Variants in SUPT3H observed in about 807,000 individuals in gnomAD.
SUPT3H encodes the protein transcription initiation protein SPT3 homolog.
A neutral mutation model predicts 44.3 loss-of-function variants in SUPT3H; 44 were observed. The observed-to-expected ratio is 0.99, with a 90% CI of 0.78 to 1.28. The LOEUF is 1.28. Among genes scored for constraint, SUPT3H ranks in the 50% most tolerant of loss-of-function variants. SUPT3H has a pLI of 0.00. For missense variants in SUPT3H, 380 were observed against 387.1 expected (o/e 0.98, Z 0.15); for synonymous variants, 124 against 125.6 (o/e 0.99, Z 0.09).
chr6:45,225,753 T>C (rs1766831225), intron 2 of SUPT3H, among the ~76,000 whole-genome samples: 1 of 152,196 alleles, frequency 6.6e-6, no homozygotes, highest in African/African-American at 2.4e-5. Flanking sequence ...ATTTAGTATA[T>C]TTCTGTCTCA....
At chr6:45,179,060 C>T (rs1372209699) in intron 2 of SUPT3H, among the ~76,000 whole-genome samples, 2 of 151,992 alleles carry the variant, frequency 1.3e-5, no homozygotes, top group Non-Finnish European at 2.9e-5. Flanking sequence ...ACCACCGATC[C>T]CACAGAAATA....
intron 9 of SUPT3H, among the ~76,000 whole-genome samples, chr6:44,949,847 A>G (rs941689888): frequency 3.3e-5 from 5 of 152,214 alleles, no homozygotes; most frequent in Non-Finnish European, 7.3e-5. Flanking sequence ...GAAGTATAAA[A>G]TGGTACAACC....
rs147376459 is a variant in SUPT3H, at chr6:44,925,981, T to C, written c.912+6672A>G. ...CATTTTTAGACCCTGAGGCCCTTCCTCAATATTGTATTCTTTATATATTCA... is the reference window on the plus strand; with the variant it reads ...CATTTTTAGACCCTGAGGCCCTTCCCCAATATTGTATTCTTTATATATTCA... On this transcript the variant is annotated intron_variant, in intron 10 of 10. Transcript: ENST00000371459. Among the ~76,000 whole-genome samples the C allele has an allele frequency of 4.7e-4, 72 of 152,286 alleles. No individual in the cohort carries two copies. The East Asian group carries it at 0.012, about 26-fold the overall frequency.
At chr6:44,834,647 T>C (rs1039622119) in intron 10 of SUPT3H, among the ~76,000 whole-genome samples, 2 of 152,188 alleles carry the variant, frequency 1.3e-5, no homozygotes, top group African/African-American at 4.8e-5. Flanking sequence ...AAAAAACTAA[T>C]GCCCAGAGAG....
At chr6:44,954,403 G>A (rs374961814) in intron 8 of SUPT3H, 92 bp downstream of exon 8, 3 of 930,714 alleles carry the variant, frequency 3.2e-6, no homozygotes, top group Admixed American at 1.8e-5. Flanking sequence ...TGTTATTACT[G>A]GTAGAGCAGC....
chr6:45,281,903 G>C (rs553756657), intron 2 of SUPT3H, among the ~76,000 whole-genome samples: 22 of 152,152 alleles, frequency 1.4e-4, no homozygotes, highest in Non-Finnish European at 2.1e-4. Context: ...CCAGAGGAAC[G>C]ATCAGGCAAC....
At chr6:45,349,550 G>A (rs1188285918) in intron 2 of SUPT3H, among the ~76,000 whole-genome samples, 1 of 152,196 alleles carries the variant, frequency 6.6e-6, no homozygotes, top group Non-Finnish European at 1.5e-5. Context: ...GGCTGGAGGT[G>A]AGACCCAGCA....
intron 2 of SUPT3H, among the ~76,000 whole-genome samples, chr6:45,226,973 A>G (rs9357477): frequency 0.99 from 150,297 of 151,526 alleles, 74,560 homozygotes; most frequent in Middle Eastern, 1. Flanking sequence ...CTCCAGCCTG[A>G]ATGACAGAGT....
rs1256810715 is a variant in SUPT3H at position 44,961,791 on chromosome 6, T to C, written c.542A>G (p.Gln181Arg). ...TCGACTTTCACAGAATTCTGCATAT[T>C]GAGCTGAATCCATAATTCGAGTTTG... The part of the protein sequence containing the change: ...ERQTRIMDSA[Q>R]YAEFCESRQL... Residue 181 changes from glutamine to arginine, a missense_variant, in exon 7 of 11, where the codon CAA becomes CGA. Physicochemically the swap from Gln to Arg is conservative, Grantham distance 43. Transcript: ENST00000371459. 1.2e-6 allele frequency: 2 copies of C among 1,605,524 alleles called. No homozygotes were observed. Among genetic ancestry groups the C allele is most frequent in the Non-Finnish European group, 1.7e-6 (2 of 1,177,908 alleles).
chr6:45,181,069 A>G (rs1187304694), intron 2 of SUPT3H, among the ~76,000 whole-genome samples: 1 of 151,862 alleles, frequency 6.6e-6, no homozygotes, highest in Non-Finnish European at 1.5e-5. Flanking sequence ...ATGAACAGAC[A>G]CTTCTCAAAA....
chr6:45,245,745 C>CT (rs1453720425), intron 2 of SUPT3H, among the ~76,000 whole-genome samples: 7 of 152,116 alleles, frequency 4.6e-5, no homozygotes, highest in African/African-American at 1.7e-4. Context: ...GCTACAAACA[C>CT]TGGTGTACCA....
rs552600145 is a variant in SUPT3H at position 45,212,579 on chromosome 6, C to T, written c.102-106573G>A. Among the ~76,000 whole-genome samples the T allele has an allele frequency of 1.2e-4, 18 of 144,652 alleles. No homozygotes were observed. In the South Asian group the frequency reaches 3.6e-3, roughly 29 times the overall value. 94.9% of individuals were successfully genotyped at this position (144,652 alleles called of 152,430 possible). A position where few individuals can be genotyped will look rare whatever the true frequency, so the allele number is the denominator to read the frequency against. On this transcript the variant is annotated intron_variant, in intron 2 of 10. Coordinates refer to ENST00000371459, the MANE Select transcript of SUPT3H (RefSeq NM_003599.4). ...CTCTACTACTCACTAGGTCCTATGA[C>T]TTTGTTTTTCTTGATTTTCTTCCTT...
chr6:45,237,632 T>G (rs1308633032), intron 2 of SUPT3H, among the ~76,000 whole-genome samples: 1 of 152,172 alleles, frequency 6.6e-6, no homozygotes, highest in Non-Finnish European at 1.5e-5. Context: ...TGGCAGCCAT[T>G]GTTAAGCCTC....
chr6:45,166,622 G>T (rs1036675807), intron 2 of SUPT3H, among the ~76,000 whole-genome samples: 23 of 149,828 alleles, frequency 1.5e-4, no homozygotes, highest in African/African-American at 5.4e-4. Flanking sequence ...GAAAAGGAGG[G>T]AGAAAAAGTA....
At chr6:44,978,344 T>C (rs2153487819) in intron 6 of SUPT3H, among the ~76,000 whole-genome samples, 1 of 152,294 alleles carries the variant, frequency 6.6e-6, no homozygotes, top group South Asian at 2.1e-4. Flanking sequence ...CTCAGAAACA[T>C]GTAGTAATTT....
intron 3 of SUPT3H, among the ~76,000 whole-genome samples, chr6:45,093,326 CTATA>C (rs1797384009): frequency 6.6e-6 from 1 of 151,966 alleles, no homozygotes; most frequent in South Asian, 2.1e-4. Context: ...GGAAAATGGC[CTATA>C]TATACAATAA....
intron 2 of SUPT3H, among the ~76,000 whole-genome samples, chr6:45,266,957 CAT>C (rs1246522871): frequency 6.6e-6 from 1 of 152,072 alleles, no homozygotes; most frequent in African/African-American, 2.4e-5. Flanking sequence ...TTACAGTTTA[CAT>C]AGTCAAAACT....
At chr6:44,830,505 A>G (rs1028430561) in intron 10 of SUPT3H, among the ~76,000 whole-genome samples, 2 of 152,188 alleles carry the variant, frequency 1.3e-5, no homozygotes, top group Admixed American at 1.3e-4. Flanking sequence ...AATGGATTCT[A>G]AGTGCAATAA....
intron 2 of SUPT3H, among the ~76,000 whole-genome samples, chr6:45,127,670 A>G (rs992165495): frequency 1.3e-4 from 20 of 152,236 alleles, no homozygotes; most frequent in African/African-American, 4.8e-4. Context: ...TTCTATTTTC[A>G]AAGACTTTTC....
Sources: gnomAD v4.1 joint callset for allele counts (sites outside exome capture counted in the v4.1 genomes callset) on GRCh38, gnomAD v4.1.1 for gene constraint, MANE v1.5 for transcripts, NCBI Gene and HGNC (gene_info 2026-07-23, HGNC 2026-07-21) for gene names.